The following TAFA2 variants were observed in gnomAD, a reference collection of about 807,000 sequenced individuals.
The protein encoded by TAFA2 is chemokine-like protein TAFA-2.
TAFA2 carries 7 observed loss-of-function variants against 18.8 expected under a neutral mutation model. The observed-to-expected ratio is 0.37, with a 90% CI of 0.21 to 0.70. TAFA2 has a LOEUF of 0.70. TAFA2 is among the 30% of genes least tolerant of loss of function. TAFA2 has a pLI of 0.53. For synonymous variants in TAFA2, 60 were observed against 54.2 expected (o/e 1.11, Z -0.47); for missense variants, 122 against 158.1 (o/e 0.77, Z 1.23).
chr12:62,250,990 G>T (rs2062910787), intron 1 of TAFA2, among the ~76,000 whole-genome samples: 1 of 132,000 alleles, frequency 7.6e-6, no homozygotes, highest in Admixed American at 7.5e-5. Context: ...AAAAATGCAT[G>T]AGTAGGAAAT....
intron 1 of TAFA2, among the ~76,000 whole-genome samples, chr12:62,131,999 C>A (rs1245437): frequency 0.48 from 72,379 of 150,442 alleles, 17,637 homozygotes; most frequent in African/African-American, 0.52. Context: ...ATTTAGTACA[C>A]AGCACAAAAA....
intron 1 of TAFA2, among the ~76,000 whole-genome samples, chr12:61,978,420 T>TA (rs767323834): frequency 1.1e-4 from 16 of 152,182 alleles, no homozygotes; most frequent in Admixed American, 8.5e-4. Flanking sequence ...AATACTCTAA[T>TA]AACAATTTTC....
intron 1 of TAFA2, among the ~76,000 whole-genome samples, chr12:62,016,101 T>G (rs1242263677): frequency 6.6e-6 from 1 of 152,246 alleles, no homozygotes; most frequent in East Asian, 1.9e-4. Flanking sequence ...GTGTCACACA[T>G]GGCAGTTATA....
chr12:61,983,474 C>A (rs1029838767), intron 1 of TAFA2, among the ~76,000 whole-genome samples: 1 of 152,080 alleles, frequency 6.6e-6, no homozygotes, highest in Non-Finnish European at 1.5e-5. Flanking sequence ...GTGGTGCAAT[C>A]TCGGCTCACT....
chr12:61,895,165 A>C (rs192113388), intron 1 of TAFA2, among the ~76,000 whole-genome samples: 96 of 152,294 alleles, frequency 6.3e-4, no homozygotes, highest in Admixed American at 3.2e-3. Context: ...GGATGTATGG[A>C]TGTCCAGAAG....
intron 4 of TAFA2, among the ~76,000 whole-genome samples, chr12:61,725,471 G>T (rs1162959965): frequency 1.3e-5 from 2 of 152,026 alleles, no homozygotes; most frequent in African/African-American, 4.8e-5. Context: ...TAAGGTGGGA[G>T]ATGAGGATCC....
chr12:62,090,000 G>A (rs372602099), intron 1 of TAFA2, among the ~76,000 whole-genome samples: 6 of 152,080 alleles, frequency 3.9e-5, no homozygotes, highest in African/African-American at 9.6e-5. Flanking sequence ...TATCTTTCAC[G>A]TGTTATGTGC....
chr12:62,231,774 A>G (rs796516165), intron 1 of TAFA2, among the ~76,000 whole-genome samples: 38 of 152,380 alleles, frequency 2.5e-4, no homozygotes, highest in African/African-American at 9.1e-4. Context: ...GGTAAAAACA[A>G]TAAATAGCTA....
intron 1 of TAFA2, among the ~76,000 whole-genome samples, chr12:62,080,564 T>C (rs533684333): frequency 1.6e-4 from 25 of 152,254 alleles, no homozygotes; most frequent in African/African-American, 4.8e-4. Flanking sequence ...GGAATGAATG[T>C]GTGCTACTGG....
chr12:62,138,407 T>G (rs988429288), intron 1 of TAFA2, among the ~76,000 whole-genome samples: 14 of 152,356 alleles, frequency 9.2e-5, no homozygotes, highest in African/African-American at 3.4e-4. Flanking sequence ...AGCACTCATA[T>G]GCTTATGTTC....
chr12:62,242,677 C>T (rs2136990414), intron 1 of TAFA2: 1 of 152,318 alleles, frequency 6.6e-6, no homozygotes, highest in South Asian at 2.1e-4. Flanking sequence ...CAACAGATGT[C>T]CATGACTGAT....
At chr12:62,113,167 GT>G (rs1253168822) in intron 1 of TAFA2, among the ~76,000 whole-genome samples, 3 of 152,120 alleles carry the variant, frequency 2.0e-5, no homozygotes, top group African/African-American at 7.2e-5. Flanking sequence ...TCGGGTGTTT[GT>G]GTGGCTGTCC....
intron 1 of TAFA2, among the ~76,000 whole-genome samples, chr12:62,177,044 A>G (rs1159073809): frequency 6.6e-6 from 1 of 152,234 alleles, no homozygotes; most frequent in Non-Finnish European, 1.5e-5. Context: ...AAGATCACTC[A>G]CGTGAAGTAC....
chr12:61,759,523 G>A (rs1273861306), intron 2 of TAFA2, among the ~76,000 whole-genome samples: 4 of 152,008 alleles, frequency 2.6e-5, no homozygotes, highest in East Asian at 3.9e-4. Context: ...ACATGGAACC[G>A]ACTCACCACC....
At chr12:61,927,510 G>A (rs1877354468) in intron 1 of TAFA2, among the ~76,000 whole-genome samples, 1 of 152,124 alleles carries the variant, frequency 6.6e-6, no homozygotes, top group Non-Finnish European at 1.5e-5. Context: ...GGAAATAAGA[G>A]AAGACACAAA....
intron 4 of TAFA2, among the ~76,000 whole-genome samples, chr12:61,714,045 C>A (rs958337221): frequency 6.6e-6 from 1 of 152,066 alleles, no homozygotes; most frequent in Non-Finnish European, 1.5e-5. Flanking sequence ...AGATTTTTGG[C>A]AAGTTTTCAG....
chr12:61,960,221 T>C (rs1878834925), intron 1 of TAFA2, among the ~76,000 whole-genome samples: 1 of 150,894 alleles, frequency 6.6e-6, no homozygotes, highest in Non-Finnish European at 1.5e-5. Context: ...TATGCTGTTT[T>C]ATATTATGAT....
chr12:61,880,764 C>A, intron 1 of TAFA2: 1 of 370,118 alleles, frequency 2.7e-6, no homozygotes, highest in South Asian at 2.4e-5. Flanking sequence ...TGACGTCCTG[C>A]CTGAGTGAAC....
chr12:61,923,722 CTG>C (rs1483732972), intron 1 of TAFA2, among the ~76,000 whole-genome samples: 1 of 151,928 alleles, frequency 6.6e-6, no homozygotes, highest in Non-Finnish European at 1.5e-5. Flanking sequence ...GGGAACAAAA[CTG>C]GATGGAGAAT....
Sources: allele counts gnomAD v4.1 joint callset (sites outside exome capture counted in the v4.1 genomes callset), GRCh38; gene constraint gnomAD v4.1.1; transcripts MANE v1.5; gene names NCBI Gene and HGNC (gene_info 2026-07-23, HGNC 2026-07-21).